The following CSMD1 variants were observed in gnomAD, a reference collection of about 807,000 sequenced individuals.
The protein encoded by CSMD1 is CUB and sushi domain-containing protein 1.
A neutral mutation model predicts 417.5 loss-of-function variants in CSMD1; 213 were observed. The ratio of observed to expected loss-of-function variants is 0.51; its 90% CI spans 0.46 to 0.57. CSMD1 has a LOEUF of 0.57. Ranked by LOEUF, CSMD1 falls within the 20% of genes least tolerant of loss-of-function variation. The pLI is 0.00. For missense variants in CSMD1, 6,923 were observed against 4,529.7 expected (o/e 1.53, Z -15.17); for synonymous variants, 2,862 against 1,736.8 (o/e 1.65, Z -16.11).
chr8:4,707,764 G>A (rs994956349), intron 1 of CSMD1, among the ~76,000 whole-genome samples: 8 of 151,802 alleles, frequency 5.3e-5, no homozygotes, highest in African/African-American at 1.9e-4. Context: ...GCAGGCGCCT[G>A]TAATCCCAGC....
chr8:4,708,345 A>T (rs1268530067), intron 1 of CSMD1, among the ~76,000 whole-genome samples: 1 of 152,172 alleles, frequency 6.6e-6, no homozygotes, highest in Admixed American at 6.5e-5. Context: ...AAGCTCCGTG[A>T]ACATTTAGAC....
rs927853757 is a variant in CSMD1, at chr8:2,962,320, C to T, written c.9628+146G>A. On this transcript the variant is annotated intron_variant, in intron 61 of 69. Transcript: ENST00000635120. Reference sequence around the variant, plus strand: ...CAGTTTAGCTGATGAGTGCGCAATCCTACTCAGTGCAAAAATTATTACCTT... The same window carrying T: ...CAGTTTAGCTGATGAGTGCGCAATCTTACTCAGTGCAAAAATTATTACCTT... 1.3e-5 allele frequency: 9 copies of T among 666,798 alleles called. No homozygotes were observed. In the African/African-American group the frequency reaches 1.6e-4, roughly 12 times the overall value. 41.3% of individuals were successfully genotyped at this position (666,798 alleles called of 1,614,324 possible).
intron 3 of CSMD1, among the ~76,000 whole-genome samples, chr8:4,132,120 C>G (rs1803145069): frequency 6.6e-6 from 1 of 150,934 alleles, no homozygotes; most frequent in African/African-American, 2.4e-5. Context: ...CAAAGTCTGT[C>G]TTGACAGTAA....
At chr8:4,943,873 G>A (rs372660032) in intron 1 of CSMD1, among the ~76,000 whole-genome samples, 1 of 152,194 alleles carries the variant, frequency 6.6e-6, no homozygotes, top group African/African-American at 2.4e-5. Context: ...ATAAGTGTAA[G>A]AGCCCAAAAC....
intron 7 of CSMD1, among the ~76,000 whole-genome samples, chr8:3,656,318 G>A (rs899969166): frequency 6.6e-6 from 1 of 152,150 alleles, no homozygotes; most frequent in Non-Finnish European, 1.5e-5. Context: ...TAGGGCGAAA[G>A]GTATAGCACT....
chr8:3,949,018 A>C (rs1004346398), intron 5 of CSMD1, among the ~76,000 whole-genome samples: 2 of 152,204 alleles, frequency 1.3e-5, no homozygotes, highest in Non-Finnish European at 2.9e-5. Flanking sequence ...ATTAAATCTG[A>C]ACTAGAATTT....
intron 1 of CSMD1, among the ~76,000 whole-genome samples, chr8:4,717,168 T>C (rs1179042924): frequency 6.6e-6 from 1 of 151,672 alleles, no homozygotes; most frequent in African/African-American, 2.4e-5. Flanking sequence ...AGTGAGATAT[T>C]TGGGAGTCAG....
intron 1 of CSMD1, among the ~76,000 whole-genome samples, chr8:4,962,493 G>T (rs918104151): frequency 6.6e-6 from 1 of 152,166 alleles, no homozygotes; most frequent in Non-Finnish European, 1.5e-5. Context: ...TTCCAGGCAT[G>T]TCCCATCGTG....
At chr8:3,293,513 C>G (rs1487570988) in intron 25 of CSMD1, among the ~76,000 whole-genome samples, 1 of 152,120 alleles carries the variant, frequency 6.6e-6, no homozygotes, top group Non-Finnish European at 1.5e-5. Flanking sequence ...TTCTTGGAGG[C>G]TTTGTTTGTT....
intron 41 of CSMD1, among the ~76,000 whole-genome samples, chr8:3,126,201 G>A (rs1172326083): frequency 6.6e-6 from 1 of 152,112 alleles, no homozygotes; most frequent in Non-Finnish European, 1.5e-5. Context: ...ATCTATACAA[G>A]GGCCACAGAA....
chr8:3,374,541 G>A (rs909491054), intron 18 of CSMD1, among the ~76,000 whole-genome samples: 2 of 152,158 alleles, frequency 1.3e-5, no homozygotes, highest in Admixed American at 6.6e-5. Context: ...CTCAAAGGAG[G>A]TCTAGATGAT....
chr8:4,036,135 G>C (rs1229806823), intron 3 of CSMD1, among the ~76,000 whole-genome samples: 2 of 152,184 alleles, frequency 1.3e-5, no homozygotes, highest in Admixed American at 1.3e-4. Context: ...CACATCCTAG[G>C]TGCGTAGTAG....
At chr8:4,102,985 T>C (rs1390836733) in intron 3 of CSMD1, among the ~76,000 whole-genome samples, 3 of 152,234 alleles carry the variant, frequency 2.0e-5, no homozygotes, top group East Asian at 3.9e-4. Context: ...AGCCAGCAAA[T>C]AAAAATATTT....
At chr8:3,175,728 A>G (rs1384241511) in intron 37 of CSMD1, among the ~76,000 whole-genome samples, 4 of 152,116 alleles carry the variant, frequency 2.6e-5, no homozygotes, top group Non-Finnish European at 5.9e-5. Context: ...GACCATGTCT[A>G]CTGCTGGGCT....
At chr8:4,222,562 T>C (rs1801103848) in intron 3 of CSMD1, among the ~76,000 whole-genome samples, 2 of 151,994 alleles carry the variant, frequency 1.3e-5, no homozygotes, top group African/African-American at 4.8e-5. Flanking sequence ...CAGAAAAAGG[T>C]TAAAGGCTAT....
At chr8:4,450,438 C>T (rs938977010) in intron 2 of CSMD1, among the ~76,000 whole-genome samples, 3 of 152,054 alleles carry the variant, frequency 2.0e-5, no homozygotes, top group African/African-American at 7.2e-5. Flanking sequence ...CCATCTTGGC[C>T]AACAGGGTGA....
intron 1 of CSMD1, among the ~76,000 whole-genome samples, chr8:4,692,005 T>C (rs1806798209): frequency 6.6e-6 from 1 of 152,188 alleles, no homozygotes; most frequent in Non-Finnish European, 1.5e-5. Flanking sequence ...TTCAGTGCCC[T>C]CTTGTACAGC....
chr8:4,036,695 G>A (rs115989451), intron 3 of CSMD1, among the ~76,000 whole-genome samples: 1 of 152,206 alleles, frequency 6.6e-6, no homozygotes, highest in African/African-American at 2.4e-5. Context: ...ATTTCTCATT[G>A]TATCTGACGT....
At chr8:3,159,719 A>G (rs1819763534) in intron 38 of CSMD1, among the ~76,000 whole-genome samples, 2 of 152,250 alleles carry the variant, frequency 1.3e-5, no homozygotes, top group South Asian at 4.1e-4. Context: ...AACACAGCTT[A>G]GTTTGCATTT....
Sources: gnomAD v4.1 joint callset for allele counts (sites outside exome capture counted in the v4.1 genomes callset) on GRCh38, gnomAD v4.1.1 for gene constraint, MANE v1.5 for transcripts, NCBI Gene and HGNC (gene_info 2026-07-23, HGNC 2026-07-21) for gene names.